The following SPAG16 variants were observed in gnomAD, a reference collection of about 807,000 sequenced individuals.
SPAG16 encodes sperm associated antigen 16.
In SPAG16, 86 loss-of-function variants were observed where a neutral mutation model predicts 80.4. The ratio of observed to expected loss-of-function variants is 1.07; its 90% CI spans 0.90 to 1.28. The LOEUF is 1.28. SPAG16 is among the 50% of genes most tolerant of loss of function. The pLI, the probability that SPAG16 is intolerant of heterozygous loss-of-function variation, is 0.00. For synonymous variants in SPAG16, 294 were observed against 265.9 expected (o/e 1.11, Z -1.03); for missense variants, 870 against 765.3 (o/e 1.14, Z -1.61).
At chr2:213,685,901 A>G (rs2064642367) in intron 10 of SPAG16, among the ~76,000 whole-genome samples, 1 of 152,186 alleles carries the variant, frequency 6.6e-6, no homozygotes, top group African/African-American at 2.4e-5. Flanking sequence ...TTTGTCATCA[A>G]TTTTTCAATC....
At chr2:214,214,626 A>T (rs1223056974) in intron 15 of SPAG16, among the ~76,000 whole-genome samples, 1 of 152,034 alleles carries the variant, frequency 6.6e-6, no homozygotes, top group Non-Finnish European at 1.5e-5. Context: ...TGTACTTGAG[A>T]GCCACATCAT....
chr2:214,125,426 T>C (rs1471170868), intron 14 of SPAG16, among the ~76,000 whole-genome samples: 2 of 151,764 alleles, frequency 1.3e-5, no homozygotes, highest in African/African-American at 4.8e-5. Flanking sequence ...ACAGACTTTT[T>C]TGGATGTGTG....
intron 9 of SPAG16, among the ~76,000 whole-genome samples, chr2:213,381,653 TTG>T (rs989377689): frequency 6.6e-6 from 1 of 152,220 alleles, no homozygotes. Flanking sequence ...CACCCGATTA[TTG>T]AAAACCTGTT....
At chr2:213,923,297 C>T (rs2078308907) in intron 11 of SPAG16, among the ~76,000 whole-genome samples, 1 of 152,104 alleles carries the variant, frequency 6.6e-6, no homozygotes, top group Non-Finnish European at 1.5e-5. Flanking sequence ...CCAAAAGCTC[C>T]AGCAGGCATT....
At chr2:213,741,112 G>A (rs1225732370) in intron 10 of SPAG16, among the ~76,000 whole-genome samples, 1 of 151,968 alleles carries the variant, frequency 6.6e-6, no homozygotes, top group Non-Finnish European at 1.5e-5. Flanking sequence ...TATAATAAAT[G>A]TTTCTTAAGG....
At chr2:213,722,482 T>C (rs1188291849) in intron 10 of SPAG16, among the ~76,000 whole-genome samples, 1 of 152,102 alleles carries the variant, frequency 6.6e-6, no homozygotes, top group Non-Finnish European at 1.5e-5. Flanking sequence ...GGGCAGGAAA[T>C]AGAAGGGCAC....
chr2:213,972,819 C>A (rs1184787655), intron 12 of SPAG16, among the ~76,000 whole-genome samples: 2 of 152,168 alleles, frequency 1.3e-5, no homozygotes, highest in East Asian at 3.9e-4. Context: ...TAACCATATA[C>A]TTTTTCCCTT....
chr2:213,953,180 T>G (rs577051188), intron 12 of SPAG16, among the ~76,000 whole-genome samples: 2 of 152,106 alleles, frequency 1.3e-5, no homozygotes, highest in East Asian at 3.9e-4. Context: ...AAAACTATAT[T>G]TTTAATCCCC....
At chr2:213,760,242 C>A (rs12463511) in intron 10 of SPAG16, among the ~76,000 whole-genome samples, 68,800 of 151,896 alleles carry the variant, frequency 0.45, 16,924 homozygotes, top group Non-Finnish European at 0.55. Context: ...AAAAAGATTT[C>A]TCAGGCAAAT....
chr2:214,293,955 C>CA (rs1693967866), intron 15 of SPAG16, among the ~76,000 whole-genome samples: 1 of 152,210 alleles, frequency 6.6e-6, no homozygotes, highest in African/African-American at 2.4e-5. Flanking sequence ...CACAACAGCC[C>CA]ACAGCAGCAG....
intron 15 of SPAG16, among the ~76,000 whole-genome samples, chr2:214,337,504 T>C (rs531512619): frequency 6.6e-6 from 1 of 152,360 alleles, no homozygotes; most frequent in South Asian, 2.1e-4. Context: ...TATCCATTTA[T>C]ATTTCAAATT....
chr2:214,148,673 TAA>T (rs2055789982), intron 14 of SPAG16, among the ~76,000 whole-genome samples: 1 of 330 alleles, frequency 3.0e-3, no homozygotes, highest in Admixed American at 0.25. Flanking sequence ...TTATCAATGC[TAA>T]CTAACTGTGA....
At chr2:213,776,328 ATTGGGAGAGG>A (rs2069573389) in intron 10 of SPAG16, among the ~76,000 whole-genome samples, 1 of 152,154 alleles carries the variant, frequency 6.6e-6, no homozygotes, top group African/African-American at 2.4e-5. Flanking sequence ...GGCTTTGACA[ATTGGGAGAGG>A]GCTATAAGCT....
At chr2:213,704,652 T>A (rs1474199955) in intron 10 of SPAG16, among the ~76,000 whole-genome samples, 1 of 135,858 alleles carries the variant, frequency 7.4e-6, no homozygotes, top group Non-Finnish European at 1.6e-5. Context: ...TACAAAGAAA[T>A]AAAGGTCCTT....
intron 10 of SPAG16, among the ~76,000 whole-genome samples, chr2:213,785,126 C>A (rs563185223): frequency 9.2e-5 from 14 of 152,234 alleles, no homozygotes; most frequent in African/African-American, 3.1e-4. Flanking sequence ...ACATGTCTTT[C>A]ACCCACTCCT....
chr2:213,987,134 A>T (rs989288683), intron 12 of SPAG16, among the ~76,000 whole-genome samples: 10 of 152,034 alleles, frequency 6.6e-5, no homozygotes, highest in African/African-American at 2.4e-4. Context: ...CATTATATTT[A>T]TTCACATACT....
intron 12 of SPAG16, among the ~76,000 whole-genome samples, chr2:213,943,258 T>C (rs917778760): frequency 6.6e-6 from 1 of 152,154 alleles, no homozygotes; most frequent in Non-Finnish European, 1.5e-5. Flanking sequence ...TCTTTGGAAG[T>C]AGGTAATGGG....
chr2:213,960,892 A>G (rs549321055), intron 12 of SPAG16, among the ~76,000 whole-genome samples: 51 of 152,268 alleles, frequency 3.3e-4, no homozygotes, highest in Admixed American at 1.8e-3. Context: ...CTTTCTCTGC[A>G]CTTCTGTGAT....
intron 10 of SPAG16, among the ~76,000 whole-genome samples, chr2:213,675,744 T>G (rs1431649230): frequency 1.3e-5 from 2 of 152,092 alleles, no homozygotes; most frequent in Non-Finnish European, 2.9e-5. Context: ...CATTGATCTA[T>G]ATCTCTGTTT....
Sources: gnomAD v4.1 joint callset for allele counts (sites outside exome capture counted in the v4.1 genomes callset) on GRCh38, gnomAD v4.1.1 for gene constraint, MANE v1.5 for transcripts, NCBI Gene and HGNC (gene_info 2026-07-23, HGNC 2026-07-21) for gene names.